Variants in WWP1 observed in about 807,000 individuals in gnomAD.
WWP1 encodes the protein WW domain containing E3 ubiquitin protein ligase 1, also known as NEDD4-like E3 ubiquitin-protein ligase WWP1.
WWP1 carries 49 observed loss-of-function variants against 130.6 expected under a neutral mutation model. The observed-to-expected ratio is 0.38, with a 90% confidence interval of 0.30 to 0.48. The LOEUF (loss-of-function observed/expected upper bound fraction) is 0.48. WWP1 is among the 20% of genes least tolerant of loss of function. WWP1 has a pLI of 0.99. For missense variants in WWP1, 809 were observed against 1,100.6 expected (o/e 0.74, Z 3.75); for synonymous variants, 332 against 367.8 (o/e 0.90, Z 1.11).
At position 86,442,790 on chromosome 8, in the gene WWP1, A is replaced by G. The variant is rs1167364932; in HGVS notation, c.1998+12A>G. The G allele has an allele frequency of 6.3e-7, 1 of 1,578,390 alleles. No individual in the cohort carries two copies. Among genetic ancestry groups the G allele is most frequent in the African/African-American group, 1.4e-5 (1 of 72,664 alleles). On this transcript the variant is annotated intron_variant, in intron 18 of 24. Transcript: ENST00000517970. ...GTTTTATTGCCATGGTGAGTTCCTG[A>G]CTTTATTATTATTTATTTAAGTTTG...
intron 16 of WWP1, among the ~76,000 whole-genome samples, chr8:86,437,863 G>A (rs1273443527): frequency 1.3e-5 from 2 of 152,030 alleles, no homozygotes; most frequent in South Asian, 2.1e-4. Flanking sequence ...GCAGTGGCAC[G>A]ATCTCGGCTC....
chr8:86,457,628 T>C (rs1437682302), intron 21 of WWP1, among the ~76,000 whole-genome samples: 1 of 152,048 alleles, frequency 6.6e-6, no homozygotes, highest in African/African-American at 2.4e-5. Flanking sequence ...CCATACCATA[T>C]ATACATACGG....
At chr8:86,463,585 C>G (rs1245255059) in intron 24 of WWP1, among the ~76,000 whole-genome samples, 1 of 151,688 alleles carries the variant, frequency 6.6e-6, no homozygotes. Flanking sequence ...GGATTACAGG[C>G]GTGAGCCACC....
intron 9 of WWP1, among the ~76,000 whole-genome samples, chr8:86,412,276 T>C (rs1808628256): frequency 6.6e-6 from 1 of 152,188 alleles, no homozygotes. Context: ...TAATATTGAG[T>C]GCTGGGGAGT....
chr8:86,397,782 C>T (rs1337909239), intron 5 of WWP1, among the ~76,000 whole-genome samples: 2 of 152,096 alleles, frequency 1.3e-5, no homozygotes, highest in Non-Finnish European at 2.9e-5. Flanking sequence ...AAATGATAAA[C>T]GATTGTCACA....
chr8:86,457,030 A>C (rs1445466788), intron 21 of WWP1, among the ~76,000 whole-genome samples: 1 of 151,952 alleles, frequency 6.6e-6, no homozygotes. Flanking sequence ...ATATGATGGA[A>C]ATATTCTATA....
At position 86,375,016 on chromosome 8, in the gene WWP1, C is replaced by A. The variant is rs1232257584; in HGVS notation, c.70+896C>A. 3.3e-5 allele frequency among the ~76,000 whole-genome samples: 5 copies of A among 152,010 alleles called. No individual in the cohort carries two copies. The East Asian group carries it at 5.8e-4, about 18-fold the overall frequency. On this transcript the variant is annotated intron_variant, in intron 3 of 24. Coordinates refer to ENST00000517970, the MANE Select transcript of WWP1 (RefSeq NM_007013.4). ...TGGCCTGTAACTCTCTCCTCTTAATCAAAAAATCTCCATTCAAAATGACAT... is the reference window on the plus strand; with the variant it reads ...TGGCCTGTAACTCTCTCCTCTTAATAAAAAAATCTCCATTCAAAATGACAT...
intron 9 of WWP1, chr8:86,417,305 T>C (rs1808942858): frequency 6.6e-6 from 1 of 152,092 alleles, no homozygotes; most frequent in African/African-American, 2.4e-5. Context: ...ATCATCTTGA[T>C]TATACCTTTG....
intron 16 of WWP1, among the ~76,000 whole-genome samples, chr8:86,437,869 G>A (rs1418423175): frequency 6.6e-5 from 10 of 151,944 alleles, no homozygotes; most frequent in African/African-American, 1.2e-4. Flanking sequence ...GCACGATCTC[G>A]GCTCACTGCA....
intron 9 of WWP1, among the ~76,000 whole-genome samples, chr8:86,414,365 A>T (rs1294620291): frequency 6.6e-6 from 1 of 152,166 alleles, no homozygotes; most frequent in African/African-American, 2.4e-5. Context: ...TTTAAAAGCC[A>T]CTAATCCAGG....
At chr8:86,428,043 C>G (rs1809730235) in intron 11 of WWP1, among the ~76,000 whole-genome samples, 1 of 151,968 alleles carries the variant, frequency 6.6e-6, no homozygotes, top group Admixed American at 6.6e-5. Flanking sequence ...ACTAACATAA[C>G]TTATACATTA....
chr8:86,376,322 A>G (rs1164141256), intron 3 of WWP1, among the ~76,000 whole-genome samples: 1 of 152,082 alleles, frequency 6.6e-6, no homozygotes, highest in Non-Finnish European at 1.5e-5. Context: ...TAATCCCAGC[A>G]CTTTGGGAGG....
At chr8:86,459,780 C>A (rs1811659590) in intron 22 of WWP1, among the ~76,000 whole-genome samples, 1 of 152,166 alleles carries the variant, frequency 6.6e-6, no homozygotes, top group Non-Finnish European at 1.5e-5. Context: ...TTTCTGTTTA[C>A]ACATTTGTAC....
At chr8:86,420,419 C>T (rs1809137633) in intron 9 of WWP1, among the ~76,000 whole-genome samples, 1 of 152,078 alleles carries the variant, frequency 6.6e-6, no homozygotes, top group African/African-American at 2.4e-5. Context: ...TTCCATGGCT[C>T]ATCTGTGGGG....
At chr8:86,432,550 C>CAAAAAA (rs72136808) in intron 14 of WWP1, among the ~76,000 whole-genome samples, 2 of 145,292 alleles carry the variant, frequency 1.4e-5, no homozygotes, top group Non-Finnish European at 1.5e-5. Flanking sequence ...AAAAAAAAAG[C>CAAAAAA]AAAAAAAAAA....
intron 11 of WWP1, 42 bp downstream of exon 11, chr8:86,427,859 C>A: frequency 6.5e-7 from 1 of 1,548,126 alleles, no homozygotes; most frequent in South Asian, 1.2e-5. Flanking sequence ...CTTCCTCCCT[C>A]AGGTGTTTCT....
At chr8:86,384,275 A>T (rs181363026) in intron 5 of WWP1, among the ~76,000 whole-genome samples, 87 of 152,336 alleles carry the variant, frequency 5.7e-4, no homozygotes, top group African/African-American at 1.9e-3. Flanking sequence ...TTCAGCCCCA[A>T]ACAAAAGGTA....
At chr8:86,401,969 T>C (rs1808006078) in intron 7 of WWP1, 50 bp from the exon 8 acceptor site, 1 of 1,395,074 alleles carries the variant, frequency 7.2e-7, no homozygotes, top group African/African-American at 1.5e-5. Context: ...TCTCATGAAA[T>C]GTTGTTGAAT....
intron 5 of WWP1, among the ~76,000 whole-genome samples, chr8:86,385,564 G>A (rs1825235108): frequency 6.6e-6 from 1 of 152,210 alleles, no homozygotes; most frequent in Non-Finnish European, 1.5e-5. Context: ...ATTACAATAT[G>A]GAGCAGGTGA....
Sources: gnomAD v4.1 joint callset for allele counts (sites outside exome capture counted in the v4.1 genomes callset) on GRCh38, gnomAD v4.1.1 for gene constraint, MANE v1.5 for transcripts, NCBI Gene and HGNC (gene_info 2026-07-23, HGNC 2026-07-21) for gene names.